Variants in METTL15 observed in about 807,000 individuals in gnomAD.
METTL15 encodes 12S rRNA N(4)-cytidine methyltransferase METTL15.
METTL15 carries 34 observed loss-of-function variants against 38.3 expected under a neutral mutation model. That is an observed-to-expected ratio of 0.89 (90% confidence interval 0.68 to 1.18). The LOEUF is 1.18. Among genes scored for constraint, METTL15 ranks in the 50% most tolerant of loss-of-function variants. The probability of loss-of-function intolerance (pLI) is 0.00; values close to 1 mark genes in which losing one functional copy is unlikely to be tolerated. For missense variants in METTL15, 438 were observed against 498.4 expected (o/e 0.88, Z 1.15); for synonymous variants, 162 against 170.9 (o/e 0.95, Z 0.41).
intron 3 of METTL15, among the ~76,000 whole-genome samples, chr11:28,154,438 T>C (rs1487994513): frequency 6.6e-6 from 1 of 152,164 alleles, no homozygotes; most frequent in Non-Finnish European, 1.5e-5. Context: ...GCTTTGTTTA[T>C]TAATTTTGTA....
intron 4 of METTL15, among the ~76,000 whole-genome samples, chr11:28,289,062 C>A (rs959693641): frequency 6.6e-6 from 1 of 152,068 alleles, no homozygotes; most frequent in Non-Finnish European, 1.5e-5. Flanking sequence ...AGTTGCCTTT[C>A]AATAGCAAGA....
chr11:28,182,697 C>A (rs1172052649), intron 3 of METTL15, among the ~76,000 whole-genome samples: 2 of 152,028 alleles, frequency 1.3e-5, no homozygotes, highest in Non-Finnish European at 2.9e-5. Context: ...GGTGATGCCT[C>A]CAGCTTTGTT....
At chr11:28,472,454 G>C (rs1851311315) in intron 6 of METTL15, among the ~76,000 whole-genome samples, 4 of 152,144 alleles carry the variant, frequency 2.6e-5, no homozygotes, top group Admixed American at 2.6e-4. Flanking sequence ...AGGTATTACA[G>C]GGCTAGGGAA....
rs887900898 is a variant in METTL15 at position 28,173,656 on chromosome 11, T to C, written c.271-37406T>C. On this transcript the variant is annotated intron_variant, in intron 3 of 6. Coordinates refer to ENST00000407364, the MANE Select transcript of METTL15 (RefSeq NM_001113528.2). ...CACAATCATTAACTAAAGTCTGTTC[T>C]TTACTCATATTTCCTTAGCTTTTAC... 6.6e-5 allele frequency among the ~76,000 whole-genome samples: 10 copies of C among 152,342 alleles called. 1 individual carries two copies. The highest frequency in any genetic ancestry group is 2.6e-4 in the Admixed American group (4 of 15,290).
In METTL15 at chr11:28,429,502, C is replaced by T. The variant is rs1262897477; in HGVS notation, c.*424+5138C>T. Reference sequence around the variant, plus strand: ...CCTGCCTCAGCCTGCTGAGTGCCTGCGATTGCAGGCACGCGCCGCCACGCC... The same window carrying T: ...CCTGCCTCAGCCTGCTGAGTGCCTGTGATTGCAGGCACGCGCCGCCACGCC... On this transcript the variant is annotated intron_variant and NMD_transcript_variant, in intron 6 of 7. Coordinates refer to the METTL15 transcript ENST00000532947. Among the ~76,000 whole-genome samples, 9 of 132,350 alleles carry T rather than the reference C, an allele frequency of 6.8e-5. No individual in the cohort carries two copies. In the East Asian group the frequency reaches 9.4e-4, roughly 14 times the overall value. 86.8% of individuals were successfully genotyped at this position (132,350 alleles called of 152,430 possible).
intron 6 of METTL15, among the ~76,000 whole-genome samples, chr11:28,499,201 A>G (rs1851561986): frequency 6.6e-6 from 1 of 152,166 alleles, no homozygotes. Context: ...GCCTAGGATA[A>G]CTGATGTTCT....
intron 4 of METTL15, among the ~76,000 whole-genome samples, chr11:28,241,926 T>C (rs922772379): frequency 6.6e-6 from 1 of 152,212 alleles, no homozygotes; most frequent in Non-Finnish European, 1.5e-5. Flanking sequence ...CATTGGCTTT[T>C]ATTCTAAGTG....
chr11:28,438,990 A>G (rs778397186), intron 6 of METTL15, among the ~76,000 whole-genome samples: 4 of 146,664 alleles, frequency 2.7e-5, no homozygotes, highest in Admixed American at 7.0e-5. Context: ...CCACATTTTT[A>G]AAACCATTAA....
chr11:28,146,731 A>G (rs1196855962), intron 3 of METTL15, among the ~76,000 whole-genome samples: 1 of 151,946 alleles, frequency 6.6e-6, no homozygotes, highest in Non-Finnish European at 1.5e-5. Context: ...AAGTAATAGC[A>G]TATTGATTTG....
At chr11:28,242,305 G>C (rs1028899481) in intron 4 of METTL15, among the ~76,000 whole-genome samples, 3 of 152,092 alleles carry the variant, frequency 2.0e-5, no homozygotes, top group African/African-American at 7.2e-5. Flanking sequence ...TGGAATATGA[G>C]CTCAAAGACA....
At chr11:28,177,784 A>G (rs1338481525) in intron 3 of METTL15, among the ~76,000 whole-genome samples, 3 of 151,932 alleles carry the variant, frequency 2.0e-5, no homozygotes, top group Non-Finnish European at 4.4e-5. Context: ...TTGGGTCCTT[A>G]GCAGGAGCAT....
chr11:28,518,874 G>C lies in METTL15; in HGVS notation c.*425-7604G>C, dbSNP rs184786794. 1.2e-3 allele frequency among the ~76,000 whole-genome samples: 187 copies of C among 152,300 alleles called. 2 individuals carry two copies. Among genetic ancestry groups the C allele is most frequent in the Non-Finnish European group, 8.5e-4 (58 of 68,020 alleles). On this transcript the variant is annotated intron_variant and NMD_transcript_variant, in intron 6 of 7. Transcript: ENST00000532947. ...GGTTTTAACTGTGAGGCTATGGGGT[G>C]TCCATGGATGTACATCAGAGGGATA... is the stretch of plus-strand genomic sequence containing the variant.
intron 4 of METTL15, among the ~76,000 whole-genome samples, chr11:28,217,165 T>G (rs1226641500): frequency 5.9e-5 from 9 of 152,198 alleles, no homozygotes; most frequent in African/African-American, 2.4e-5. Context: ...TGAACTAGTT[T>G]ACAGTCCCAC....
intron 3 of METTL15, among the ~76,000 whole-genome samples, chr11:28,141,820 T>C (rs1436028483): frequency 6.6e-6 from 1 of 152,236 alleles, no homozygotes; most frequent in Non-Finnish European, 1.5e-5. Context: ...TTTAGGTCCT[T>C]ACCATAATTC....
At chr11:28,349,097 C>T (rs1414356343) in intron 3 of METTL15, among the ~76,000 whole-genome samples, 2 of 152,326 alleles carry the variant, frequency 1.3e-5, no homozygotes, top group East Asian at 3.9e-4. Context: ...TCTCTATATA[C>T]ATCTACAACT....
intron 5 of METTL15, among the ~76,000 whole-genome samples, chr11:28,403,401 T>C (rs973753787): frequency 6.6e-6 from 1 of 152,044 alleles, no homozygotes; most frequent in Non-Finnish European, 1.5e-5. Context: ...CTGAGGCATA[T>C]ACTAAATACT....
chr11:28,432,712 T>G (rs959997753), intron 6 of METTL15, among the ~76,000 whole-genome samples: 1 of 152,212 alleles, frequency 6.6e-6, no homozygotes, highest in African/African-American at 2.4e-5. Context: ...TGAATTCCAT[T>G]GTCAAAGGTA....
At chr11:28,500,536 CTT>C (rs573552567) in intron 6 of METTL15, among the ~76,000 whole-genome samples, 18 of 144,436 alleles carry the variant, frequency 1.2e-4, no homozygotes, top group Admixed American at 2.8e-4. Flanking sequence ...TTTCCAATGT[CTT>C]TTTTTTTTTT....
At chr11:28,300,293 T>C (rs892240649) in intron 6 of METTL15, among the ~76,000 whole-genome samples, 1 of 152,122 alleles carries the variant, frequency 6.6e-6, no homozygotes, top group African/African-American at 2.4e-5. Context: ...CTAGGAAATA[T>C]GCAGCACAGT....
Sources: gnomAD v4.1 joint callset for allele counts (sites outside exome capture counted in the v4.1 genomes callset) on GRCh38, gnomAD v4.1.1 for gene constraint, MANE v1.5 for transcripts, NCBI Gene and HGNC (gene_info 2026-07-23, HGNC 2026-07-21) for gene names.